MS4A4E: variants seen among roughly 807,000 people sequenced by gnomAD.
MS4A4E encodes the protein membrane spanning 4-domains A4E.
In MS4A4E, 23 loss-of-function variants were observed where a neutral mutation model predicts 13.3. The ratio of observed to expected loss-of-function variants is 1.73; its 90% CI spans 1.25 to 2.45. The LOEUF (loss-of-function observed/expected upper bound fraction) is 2.45. Among genes scored for constraint, MS4A4E ranks in the 30% most tolerant of loss-of-function variants. MS4A4E has a pLI of 0.00. For missense variants in MS4A4E, 144 were observed against 131.2 expected (o/e 1.10, Z -0.48); for synonymous variants, 36 against 45.6 (o/e 0.79, Z 0.85).
intron 1 of MS4A4E, among the ~76,000 whole-genome samples, chr11:60,240,272 T>C (rs190351412): frequency 6.6e-6 from 1 of 152,372 alleles, no homozygotes; most frequent in African/African-American, 2.4e-5. Context: ...TACCTTCCGT[T>C]ACATACCTTC....
chr11:60,207,439 C>G (rs545163577), intron 6 of MS4A4E, among the ~76,000 whole-genome samples: 1 of 152,292 alleles, frequency 6.6e-6, no homozygotes, highest in East Asian at 1.9e-4. Flanking sequence ...TCTCTCACCT[C>G]TAGGGTTTTA....
At chr11:60,215,137 C>T (rs1281129959) in intron 3 of MS4A4E, among the ~76,000 whole-genome samples, 1 of 151,962 alleles carries the variant, frequency 6.6e-6, no homozygotes, top group East Asian at 1.9e-4. Context: ...GACTCTCTAC[C>T]TTATAATATT....
chr11:60,233,830 C>A (rs1261789595), intron 1 of MS4A4E, among the ~76,000 whole-genome samples: 1 of 152,124 alleles, frequency 6.6e-6, no homozygotes, highest in Admixed American at 6.5e-5. Context: ...GGGAGTGGGG[C>A]TACCTTTGAG....
intron 8 of MS4A4E, among the ~76,000 whole-genome samples, chr11:60,203,475 G>A (rs753825858): frequency 2.0e-5 from 3 of 152,206 alleles, no homozygotes; most frequent in Non-Finnish European, 2.9e-5. Flanking sequence ...TTGGCCAGGT[G>A]CAGTGGCTCA....
At chr11:60,212,451 A>G (rs1046494048) in intron 5 of MS4A4E, among the ~76,000 whole-genome samples, 1 of 151,944 alleles carries the variant, frequency 6.6e-6, no homozygotes, top group African/African-American at 2.4e-5. Context: ...CTGGAACTAC[A>G]GGTGCCCGCC....
intron 3 of MS4A4E, among the ~76,000 whole-genome samples, chr11:60,218,479 G>A (rs527987787): frequency 1.1e-4 from 16 of 152,142 alleles, no homozygotes; most frequent in African/African-American, 3.1e-4. Context: ...GGAACCTATC[G>A]ACATGTGATG....
At chr11:60,231,804 G>C (rs938286863) in intron 1 of MS4A4E, among the ~76,000 whole-genome samples, 1 of 152,120 alleles carries the variant, frequency 6.6e-6, no homozygotes, top group South Asian at 2.1e-4. Flanking sequence ...ATTAGTCTCT[G>C]AATAAGTCTT....
intron 1 of MS4A4E, among the ~76,000 whole-genome samples, chr11:60,238,290 A>T (rs1183008110): frequency 1.3e-5 from 2 of 151,948 alleles, no homozygotes; most frequent in African/African-American, 4.8e-5. Flanking sequence ...AAATCACAGG[A>T]GCCTGGGCTT....
intron 3 of MS4A4E, among the ~76,000 whole-genome samples, chr11:60,220,573 A>G (rs1238963215): frequency 6.6e-6 from 1 of 152,206 alleles, no homozygotes; most frequent in African/African-American, 2.4e-5. Context: ...TATTGATGCC[A>G]TTATACTGAT....
intron 1 of MS4A4E, among the ~76,000 whole-genome samples, chr11:60,235,267 GC>G (rs2084468622): frequency 6.6e-6 from 1 of 152,120 alleles, no homozygotes; most frequent in Admixed American, 6.5e-5. Context: ...TAATTTTTGT[GC>G]TTTTTGTAGA....
chr11:60,242,951 G>A lies in MS4A4E; in HGVS notation c.-17+7C>T. The A allele has an allele frequency of 6.4e-7, 1 of 1,569,380 alleles. No individual in the cohort carries two copies. The highest frequency in any genetic ancestry group is 2.3e-5 in the East Asian group (1 of 44,060). Reference sequence around the variant, plus strand: ...GAGAGCCTAGGAAGGCAAGTCCCTGGACCTACCTTTCTTCAGGCCTGCAAT... The same window carrying A: ...GAGAGCCTAGGAAGGCAAGTCCCTGAACCTACCTTTCTTCAGGCCTGCAAT... On this transcript the variant is annotated splice_region_variant and intron_variant, in intron 1 of 8. Coordinates refer to ENST00000651255, the MANE Select transcript of MS4A4E (RefSeq NM_001393391.1).
At chr11:60,231,804 G>A (rs938286863) in intron 1 of MS4A4E, among the ~76,000 whole-genome samples, 2 of 152,120 alleles carry the variant, frequency 1.3e-5, no homozygotes, top group African/African-American at 4.8e-5. Context: ...ATTAGTCTCT[G>A]AATAAGTCTT....
At chr11:60,206,111 G>A (rs190062928) in intron 6 of MS4A4E, among the ~76,000 whole-genome samples, 4 of 152,014 alleles carry the variant, frequency 2.6e-5, no homozygotes, top group Admixed American at 6.6e-5. Context: ...GGAAAAGGAT[G>A]GGGGAGAAGG....
intron 3 of MS4A4E, among the ~76,000 whole-genome samples, chr11:60,216,115 T>C (rs2084188558): frequency 6.6e-6 from 1 of 152,126 alleles, no homozygotes; most frequent in African/African-American, 2.4e-5. Flanking sequence ...TTGCAGGTGA[T>C]GTTCGGAAAA....
intron 1 of MS4A4E, among the ~76,000 whole-genome samples, chr11:60,231,940 A>AT (rs1467087433): frequency 1.4e-5 from 2 of 146,204 alleles, no homozygotes; most frequent in Admixed American, 7.0e-5. Flanking sequence ...AATTTATTCA[A>AT]TTGAAAATGA....
intron 1 of MS4A4E, among the ~76,000 whole-genome samples, chr11:60,230,703 G>A (rs2084398143): frequency 6.6e-6 from 1 of 152,132 alleles, no homozygotes; most frequent in African/African-American, 2.4e-5. Context: ...AATACATAAA[G>A]CCATTTTTTG....
intron 6 of MS4A4E, among the ~76,000 whole-genome samples, chr11:60,208,123 C>G (rs1225074821): frequency 1.3e-5 from 2 of 152,174 alleles, no homozygotes; most frequent in Non-Finnish European, 2.9e-5. Flanking sequence ...TTGTGATTCC[C>G]TTCTCTCAAG....
At chr11:60,215,816 T>A (rs918656065) in intron 3 of MS4A4E, among the ~76,000 whole-genome samples, 1 of 152,122 alleles carries the variant, frequency 6.6e-6, no homozygotes, top group African/African-American at 2.4e-5. Context: ...AAAAGTACCA[T>A]AAACTCTTTA....
chr11:60,238,738 G>A (rs2084513887), intron 1 of MS4A4E, among the ~76,000 whole-genome samples: 1 of 151,970 alleles, frequency 6.6e-6, no homozygotes, highest in Non-Finnish European at 1.5e-5. Context: ...GTTTATTAAG[G>A]TGGAAGATTA....
Sources: allele counts gnomAD v4.1 joint callset (sites outside exome capture counted in the v4.1 genomes callset), GRCh38; gene constraint gnomAD v4.1.1; transcripts MANE v1.5; gene names NCBI Gene and HGNC (gene_info 2026-07-23, HGNC 2026-07-21).